The following RGS10 variants were observed in gnomAD, a reference collection of about 807,000 sequenced individuals.
RGS10 encodes the protein regulator of G-protein signalling 10.
Under a neutral mutation model 23.5 loss-of-function variants are expected in RGS10, and 11 were observed. That is an observed-to-expected ratio of 0.47 (90% CI 0.29 to 0.77). The LOEUF is 0.77. RGS10 is among the 30% of genes least tolerant of loss of function. RGS10 has a pLI of 0.08. For synonymous variants in RGS10, 77 were observed against 83.2 expected, an observed-to-expected ratio of 0.92 and a Z score of 0.41; for missense variants, 180 against 226.3, an observed-to-expected ratio of 0.80 and a Z score of 1.31.
At chr10:119,529,744 G>A (rs1418117650) in intron 1 of RGS10, among the ~76,000 whole-genome samples, 1 of 152,028 alleles carries the variant, frequency 6.6e-6, no homozygotes, top group African/African-American at 2.4e-5. Flanking sequence ...TCCAAAGCTA[G>A]AGACATGTTT....
chr10:119,515,650 C>A lies in RGS10; in HGVS notation c.258G>T (p.Met86Ile), dbSNP rs1341424025. The change falls in exon 4 of 5, where the codon ATG (methionine) becomes ATT (isoleucine). Residue 86 changes from methionine (M) to isoleucine (I), a missense_variant and splice_region_variant. Coordinates refer to ENST00000369103, the MANE Select transcript of RGS10 (RefSeq NM_001005339.2). Reference sequence around the variant, plus strand: ...TGTAGATCTCCTTTGCCTTTTCCTGCATCTGGAGGAGACAGATGGGGCCTT... The same window carrying A: ...TGTAGATCTCCTTTGCCTTTTCCTGAATCTGGAGGAGACAGATGGGGCCTT... ...DFKKMQDKTQ[M>I]QEKAKEIYMT... 6.2e-7 allele frequency: 1 copy of A among 1,612,256 alleles called. No homozygotes were observed. Among genetic ancestry groups the A allele is most frequent in the Admixed American group, 1.7e-5 (1 of 59,856 alleles).
At chr10:119,509,435 A>T (rs958634383) in intron 4 of RGS10, among the ~76,000 whole-genome samples, 7 of 150,116 alleles carry the variant, frequency 4.7e-5, no homozygotes, top group African/African-American at 1.2e-4. Context: ...CAAAAAATTA[A>T]AAAAAAAAAT....
chr10:119,501,216 C>T (rs1843949615), intron 4 of RGS10, among the ~76,000 whole-genome samples: 1 of 152,014 alleles, frequency 6.6e-6, no homozygotes, highest in South Asian at 2.1e-4. Flanking sequence ...CCCCTCATTT[C>T]TCTCTCTCTC....
At chr10:119,506,861 C>T (rs1455398979) in intron 4 of RGS10, among the ~76,000 whole-genome samples, 1 of 152,144 alleles carries the variant, frequency 6.6e-6, no homozygotes, top group East Asian at 1.9e-4. Context: ...CCACCACACC[C>T]AGCTAATTTT....
intron 3 of RGS10, among the ~76,000 whole-genome samples, chr10:119,520,874 C>T (rs754906003): frequency 4.0e-5 from 6 of 150,282 alleles, no homozygotes; most frequent in East Asian, 1.9e-4. Context: ...CAATGCAGGG[C>T]GTGAAAGGTC....
chr10:119,509,766 A>T (rs952973813), intron 4 of RGS10, among the ~76,000 whole-genome samples: 1 of 152,182 alleles, frequency 6.6e-6, no homozygotes, highest in Non-Finnish European at 1.5e-5. Context: ...CCAAAGCCCC[A>T]TGTTACAGAT....
chr10:119,500,108 G>A lies in RGS10; in HGVS notation c.*5C>T. Reference sequence around the variant, plus strand: ...TAAAGCTGCCAGTCCCGGCTTTTTGGGGGCTCATGTGTTATAAATTCTGGA... The same window carrying A: ...TAAAGCTGCCAGTCCCGGCTTTTTGAGGGCTCATGTGTTATAAATTCTGGA... On this transcript the variant is annotated 3_prime_UTR_variant, in exon 5 of 5. Transcript: ENST00000369103. 6.2e-7 allele frequency: 1 copy of A among 1,609,772 alleles called. No individual in the cohort carries two copies. The highest frequency in any genetic ancestry group is 1.7e-5 in the Admixed American group (1 of 59,006).
intron 4 of RGS10, among the ~76,000 whole-genome samples, chr10:119,514,550 C>T (rs1844118813): frequency 6.9e-6 from 1 of 144,926 alleles, no homozygotes; most frequent in Non-Finnish European, 1.5e-5. Flanking sequence ...TCCAGCTACT[C>T]AGGAGGCTGA....
rs1364345506 is a variant in RGS10 at position 119,527,651 on chromosome 10, C to G, written c.50-227G>C. ...TTACAGATGGGGGTAAACTGAGGCT[C>G]GGAGGGATGAAGGGACCTGCTGTTT... On this transcript the variant is annotated intron_variant, in intron 1 of 4. Transcript: ENST00000369103. This position sits in a 1 kb window ranked among gnomAD's most constrained non-coding sequence, Gnocchi z 4.2. Among the ~76,000 whole-genome samples, 4 of 152,134 alleles carry G rather than the reference C, an allele frequency of 2.6e-5. No homozygotes were observed. The highest frequency in any genetic ancestry group is 5.9e-5 in the Non-Finnish European group (4 of 68,024).
chr10:119,520,809 CA>C (rs58487462), intron 3 of RGS10, among the ~76,000 whole-genome samples: 93,277 of 126,074 alleles, frequency 0.74, 33,102 homozygotes, highest in Admixed American at 0.81. Flanking sequence ...TCTCCAAAAG[CA>C]AAAAAAAAAA....
intron 1 of RGS10, among the ~76,000 whole-genome samples, chr10:119,528,571 T>C (rs1321651814): frequency 1.3e-5 from 2 of 152,054 alleles, no homozygotes; most frequent in South Asian, 4.1e-4. Flanking sequence ...TTAAATATCA[T>C]TTATAGGCTG....
intron 1 of RGS10, among the ~76,000 whole-genome samples, chr10:119,531,883 A>T (rs184880878): frequency 9.7e-4 from 148 of 152,296 alleles, no homozygotes; most frequent in African/African-American, 3.3e-3. Flanking sequence ...ATGCCATGAA[A>T]TACGTTAACA....
chr10:119,522,718 CAA>C (rs111696085), intron 3 of RGS10, among the ~76,000 whole-genome samples: 5 of 114,098 alleles, frequency 4.4e-5, no homozygotes, highest in Admixed American at 8.9e-5. Flanking sequence ...AACTCCGTCT[CAA>C]AAAAAAAAAA....
At chr10:119,530,895 A>G in intron 1 of RGS10, among the ~76,000 whole-genome samples, 1 of 152,240 alleles carries the variant, frequency 6.6e-6, no homozygotes, top group East Asian at 1.9e-4. Flanking sequence ...CATTGGCAAT[A>G]GAGTACGTAA....
intron 3 of RGS10, among the ~76,000 whole-genome samples, chr10:119,519,314 GCTC>G (rs1287001427): frequency 6.8e-6 from 1 of 147,856 alleles, no homozygotes; most frequent in Non-Finnish European, 1.5e-5. Context: ...CTGTCCCCCA[GCTC>G]CTGTCTCCCT....
At chr10:119,513,237 T>C (rs2991781) in intron 4 of RGS10, among the ~76,000 whole-genome samples, 150,645 of 152,310 alleles carry the variant, frequency 0.99, 74,515 homozygotes, top group Middle Eastern at 1. Flanking sequence ...GCTGGAGAAT[T>C]GCCTGAGCTC....
chr10:119,524,304 T>C lies in RGS10; in HGVS notation c.255+1728A>G, dbSNP rs1160886813. The stretch of plus-strand genomic sequence containing the variant: ...TGAACGGAGGCACAGAGCAGCATGG[T>C]GGTGCAGACAACAACGGGTGACTTC... On this transcript the variant is annotated intron_variant, in intron 3 of 4. Coordinates refer to ENST00000369103, the MANE Select transcript of RGS10 (RefSeq NM_001005339.2). The surrounding 1 kb of genome is among the most constrained non-coding windows in gnomAD (Gnocchi z 5.2). 6.6e-6 allele frequency among the ~76,000 whole-genome samples: 1 copy of C among 152,190 alleles called. No homozygotes were observed. Among genetic ancestry groups the C allele is most frequent in the African/African-American group, 2.4e-5 (1 of 41,458 alleles).
chr10:119,505,704 T>G (rs1482063617), intron 4 of RGS10, among the ~76,000 whole-genome samples: 1 of 152,152 alleles, frequency 6.6e-6, no homozygotes, highest in Non-Finnish European at 1.5e-5. Flanking sequence ...TGACGCATAC[T>G]CATCTGTGCA....
At chr10:119,501,108 C>T (rs952331473) in intron 4 of RGS10, among the ~76,000 whole-genome samples, 6 of 152,202 alleles carry the variant, frequency 3.9e-5, no homozygotes, top group Non-Finnish European at 7.3e-5. Context: ...GCTACCCAAT[C>T]CTGTGCCATC....
Sources: allele counts gnomAD v4.1 joint callset (sites outside exome capture counted in the v4.1 genomes callset), GRCh38; gene constraint gnomAD v4.1.1; non-coding constraint Gnocchi (gnomAD v3.1); transcripts MANE v1.5; gene names NCBI Gene and HGNC (gene_info 2026-07-23, HGNC 2026-07-21).